CNBD1: variants seen among roughly 807,000 people sequenced by gnomAD.
CNBD1 encodes the protein cyclic nucleotide binding domain containing 1.
A neutral mutation model predicts 54.4 loss-of-function variants in CNBD1; 71 were observed. The observed-to-expected ratio is 1.30, with a 90% CI of 1.08 to 1.59. The LOEUF is 1.59. Among genes scored for constraint, CNBD1 ranks in the 40% most tolerant of loss-of-function variants. CNBD1 has a pLI of 0.00. For missense variants in CNBD1, 659 were observed against 518.0 expected (o/e 1.27, Z -2.64); for synonymous variants, 182 against 170.7 (o/e 1.07, Z -0.51).
chr8:87,351,314 T>G (rs1170687216), intron 8 of CNBD1, among the ~76,000 whole-genome samples: 1 of 152,034 alleles, frequency 6.6e-6, no homozygotes, highest in Non-Finnish European at 1.5e-5. Context: ...GGGTTTGTTA[T>G]TAAACTATCA....
chr8:87,319,107 G>C (rs974807149), intron 8 of CNBD1, among the ~76,000 whole-genome samples: 1 of 152,068 alleles, frequency 6.6e-6, no homozygotes, highest in Non-Finnish European at 1.5e-5. Context: ...GAGGATATTA[G>C]GAGAGAAGTG....
chr8:87,343,252 AAC>A (rs1210869400), intron 8 of CNBD1, among the ~76,000 whole-genome samples: 3 of 152,166 alleles, frequency 2.0e-5, no homozygotes, highest in African/African-American at 7.2e-5. Context: ...ATATTGTTCA[AAC>A]ACACATGTTT....
chr8:87,324,103 A>G lies in CNBD1; in HGVS notation c.1043-27582A>G, dbSNP rs1308791444. 1.9e-4 allele frequency among the ~76,000 whole-genome samples: 23 copies of G among 123,982 alleles called. 2 individuals are homozygous for G. The highest frequency in any genetic ancestry group is 3.2e-4 in the Non-Finnish European group (18 of 55,410). 81.3% of individuals were successfully genotyped at this position (123,982 alleles called of 152,430 possible). On this transcript the variant is annotated intron_variant, in intron 8 of 10. Transcript: ENST00000518476. ...TGGCTCTTTTTATATGCTGGATTAC[A>G]TTTATTGATTTGCCTATATTGAACC...
At chr8:87,250,793 G>A (rs537148196) in intron 6 of CNBD1, among the ~76,000 whole-genome samples, 4 of 152,196 alleles carry the variant, frequency 2.6e-5, no homozygotes, top group Non-Finnish European at 5.9e-5. Flanking sequence ...CATGGAGATA[G>A]TGAGTGGAAT....
chr8:87,106,273 G>T (rs1303946462), intron 4 of CNBD1, among the ~76,000 whole-genome samples: 2 of 150,574 alleles, frequency 1.3e-5, no homozygotes, highest in African/African-American at 2.4e-5. Flanking sequence ...GAGCACATTG[G>T]CATCATCTCA....
Position 87,163,821 on chromosome 8 carries a change from T to A in CNBD1, c.432-42172T>A, listed in dbSNP as rs1309395757. Among the ~76,000 whole-genome samples the A allele has an allele frequency of 6.6e-6, 1 of 151,916 alleles. No homozygotes were observed. The highest frequency in any genetic ancestry group is 1.5e-5 in the Non-Finnish European group (1 of 67,894). On this transcript the variant is annotated intron_variant, in intron 4 of 10. Coordinates refer to ENST00000518476, the MANE Select transcript of CNBD1 (RefSeq NM_173538.3). The surrounding 1 kb of genome is among the most constrained non-coding windows in gnomAD (Gnocchi z 4.5). Reference sequence around the variant, plus strand: ...TCTTTTTCTTGTATAATTGCTCTCATTAAAACTTTTACTATTATGTTGAAG... The same window carrying A: ...TCTTTTTCTTGTATAATTGCTCTCAATAAAACTTTTACTATTATGTTGAAG...
intron 4 of CNBD1, among the ~76,000 whole-genome samples, chr8:86,972,448 G>A (rs187025773): frequency 6.6e-6 from 1 of 152,216 alleles, no homozygotes; most frequent in Admixed American, 6.5e-5. Flanking sequence ...AATCTAACTT[G>A]CAACTTTGTA....
At chr8:87,115,393 A>G (rs1434752705) in intron 4 of CNBD1, among the ~76,000 whole-genome samples, 1 of 150,678 alleles carries the variant, frequency 6.6e-6, no homozygotes, top group Non-Finnish European at 1.5e-5. Context: ...GGTATTTACC[A>G]TATTTTATGT....
chr8:87,298,704 T>G (rs1479121813), intron 8 of CNBD1, among the ~76,000 whole-genome samples: 1 of 151,880 alleles, frequency 6.6e-6, no homozygotes, highest in African/African-American at 2.4e-5. Context: ...CAGGCTGGTC[T>G]CGAACTCCTG....
intron 4 of CNBD1, among the ~76,000 whole-genome samples, chr8:87,038,736 A>G (rs1810001678): frequency 6.6e-6 from 1 of 152,212 alleles, no homozygotes; most frequent in African/African-American, 2.4e-5. Flanking sequence ...TATAAACTAA[A>G]TGTCTTCCAA....
intron 4 of CNBD1, among the ~76,000 whole-genome samples, chr8:87,156,156 T>A (rs1481318363): frequency 6.6e-6 from 1 of 151,048 alleles, no homozygotes; most frequent in African/African-American, 2.4e-5. Context: ...CAATTTCAAA[T>A]ACTTCATAGA....
chr8:86,916,874 T>A (rs1809194756), intron 3 of CNBD1, among the ~76,000 whole-genome samples: 1 of 149,290 alleles, frequency 6.7e-6, no homozygotes, highest in Non-Finnish European at 1.5e-5. Flanking sequence ...CAGCTAACTT[T>A]TTTTTTTTTT....
At chr8:87,373,441 G>A (rs1223094083) in intron 10 of CNBD1, among the ~76,000 whole-genome samples, 1 of 151,784 alleles carries the variant, frequency 6.6e-6, no homozygotes, top group Non-Finnish European at 1.5e-5. Context: ...ACCTAAACAT[G>A]AAACATTTTG....
chr8:86,943,311 G>A (rs775930163), intron 4 of CNBD1, among the ~76,000 whole-genome samples: 27 of 140,268 alleles, frequency 1.9e-4, no homozygotes, highest in Non-Finnish European at 3.5e-4. Context: ...CGCGGGAGGC[G>A]AGCCGAGATT....
chr8:87,303,647 T>A (rs1206472032), intron 8 of CNBD1, among the ~76,000 whole-genome samples: 3 of 150,244 alleles, frequency 2.0e-5, no homozygotes, highest in East Asian at 1.9e-4. Flanking sequence ...GGGATCTAAT[T>A]AACTAAAGAG....
At position 87,232,120 on chromosome 8, in the gene CNBD1, T is replaced by G. The variant is rs1240397910; in HGVS notation, c.578-4799T>G. ...TGAATCAATAGTTCATTCCTTTTCA[T>G]AGCTGAGTAGTATTCCATTGCATGG... On this transcript the variant is annotated intron_variant, in intron 5 of 10. Coordinates refer to ENST00000518476, the MANE Select transcript of CNBD1 (RefSeq NM_173538.3). 6.6e-5 allele frequency among the ~76,000 whole-genome samples: 10 copies of G among 152,330 alleles called. 1 individual carries two copies. In the East Asian group the frequency reaches 1.2e-3, roughly 18 times the overall value.
intron 8 of CNBD1, among the ~76,000 whole-genome samples, chr8:87,300,009 A>G (rs1808952712): frequency 6.6e-6 from 1 of 152,180 alleles, no homozygotes; most frequent in Admixed American, 6.5e-5. Flanking sequence ...AAAATATAAT[A>G]TAGTGAAAGG....
chr8:87,098,661 T>C (rs1811363778), intron 4 of CNBD1, among the ~76,000 whole-genome samples: 1 of 152,012 alleles, frequency 6.6e-6, no homozygotes, highest in Non-Finnish European at 1.5e-5. Context: ...TTTGATTTAT[T>C]CATTTGTTAA....
chr8:87,212,095 G>A (rs749174881), intron 5 of CNBD1, among the ~76,000 whole-genome samples: 1 of 152,020 alleles, frequency 6.6e-6, no homozygotes, highest in Non-Finnish European at 1.5e-5. Context: ...TTATAAAAAT[G>A]AAATTAAGAA....
Sources: gnomAD v4.1 joint callset for allele counts (sites outside exome capture counted in the v4.1 genomes callset) on GRCh38, gnomAD v4.1.1 for gene constraint, Gnocchi (gnomAD v3.1) non-coding constraint, MANE v1.5 for transcripts, NCBI Gene and HGNC (gene_info 2026-07-23, HGNC 2026-07-21) for gene names.